Variants in RNF122 observed in about 807,000 individuals in gnomAD.
RNF122 encodes the protein ring finger protein 122.
A neutral mutation model predicts 24.2 loss-of-function variants in RNF122; 17 were observed. The ratio of observed to expected loss-of-function variants is 0.70; its 90% CI spans 0.48 to 1.06. The LOEUF (loss-of-function observed/expected upper bound fraction) is 1.06, where lower values mean the gene tolerates loss of function less well. Ranked by LOEUF, RNF122 falls within the 50% of genes least tolerant of loss-of-function variation. The probability of loss-of-function intolerance (pLI) is 0.00; values close to 1 mark genes in which losing one functional copy is unlikely to be tolerated. For synonymous variants in RNF122, 65 were observed against 71.8 expected, an observed-to-expected ratio of 0.91 and a Z score of 0.48; for missense variants, 168 against 198.1, an observed-to-expected ratio of 0.85 and a Z score of 0.91.
rs574854322 is a variant in RNF122 at position 33,561,195 on chromosome 8, T to C, written c.26-2424A>G. On this transcript the variant is annotated intron_variant, in intron 1 of 5. Coordinates refer to ENST00000256257, the MANE Select transcript of RNF122 (RefSeq NM_024787.3). ...GAAAGCCCAGCTCCAAAGGGTTCTC[T>C]GTACCCAGGCCTTGGGTTCTAGGCA... is the stretch of plus-strand genomic sequence containing the variant. Among the ~76,000 whole-genome samples the C allele has an allele frequency of 2.6e-5, 4 of 152,308 alleles. No homozygotes were observed. In the South Asian group the frequency reaches 8.3e-4, roughly 32 times the overall value.
chr8:33,566,983 CG>C lies in RNF122; in HGVS notation c.-261del, dbSNP rs1810637230. Reference sequence around the variant, plus strand: ...CACGGAGCGCACGCGCCAAGGGCCCCGGGCTGGGGGAATGTGGGGCGCCGCG... The same window carrying C: ...CACGGAGCGCACGCGCCAAGGGCCCCGGCTGGGGGAATGTGGGGCGCCGCG... On this transcript the variant is annotated 5_prime_UTR_variant, in exon 1 of 6. Coordinates refer to ENST00000256257, the MANE Select transcript of RNF122 (RefSeq NM_024787.3). 1 of 499,246 alleles carries C rather than the reference CG, an allele frequency of 2.0e-6. No individual in the cohort carries two copies. The highest frequency in any genetic ancestry group is 3.6e-6 in the Non-Finnish European group (1 of 277,706). 30.9% of individuals were successfully genotyped at this position (499,246 alleles called of 1,614,324 possible). A position where few individuals can be genotyped will look rare whatever the true frequency, so the allele number is the denominator to read the frequency against.
At chr8:33,566,051 C>T (rs1364661432) in intron 1 of RNF122, among the ~76,000 whole-genome samples, 2 of 152,162 alleles carry the variant, frequency 1.3e-5, no homozygotes, top group Non-Finnish European at 1.5e-5. Context: ...CGGAGTTTCT[C>T]CATGTTGGTT....
intron 2 of RNF122, among the ~76,000 whole-genome samples, chr8:33,552,017 A>C (rs2128838595): frequency 1.3e-5 from 2 of 152,316 alleles, no homozygotes; most frequent in Middle Eastern, 3.4e-3. Context: ...ATGGTTATGA[A>C]GTACTTGCTA....
At chr8:33,561,960 C>T (rs570707925) in intron 1 of RNF122, among the ~76,000 whole-genome samples, 1 of 152,234 alleles carries the variant, frequency 6.6e-6, no homozygotes, top group South Asian at 2.1e-4. Context: ...TCCAATACTA[C>T]TCCATGTGGG....
chr8:33,555,904 A>G lies in RNF122; in HGVS notation c.182+2711T>C, dbSNP rs528373270. ...GGCTAAAGGCCGGGCACGGTGGCTC[A>G]TGCCTGTAATCCCAGCACTTTGGGA... On this transcript the variant is annotated intron_variant, in intron 2 of 5. Coordinates refer to ENST00000256257, the MANE Select transcript of RNF122 (RefSeq NM_024787.3). Among the ~76,000 whole-genome samples the G allele has an allele frequency of 2.6e-5, 4 of 152,334 alleles. No individual in the cohort carries two copies. In the South Asian group the frequency reaches 8.3e-4, roughly 32 times the overall value.
At chr8:33,564,255 A>G (rs1335326559) in intron 1 of RNF122, among the ~76,000 whole-genome samples, 1 of 152,160 alleles carries the variant, frequency 6.6e-6, no homozygotes, top group Non-Finnish European at 1.5e-5. Flanking sequence ...TTTTCTAAGA[A>G]GTGCAAAGAG....
chr8:33,553,479 G>A (rs781159326), intron 2 of RNF122, among the ~76,000 whole-genome samples: 58 of 152,046 alleles, frequency 3.8e-4, no homozygotes, highest in Non-Finnish European at 8.8e-5. Flanking sequence ...TGAGGCAGAA[G>A]GGTCCCTTGA....
intron 1 of RNF122, among the ~76,000 whole-genome samples, chr8:33,565,553 G>C (rs566580654): frequency 3.3e-5 from 5 of 152,220 alleles, no homozygotes; most frequent in African/African-American, 4.8e-5. Flanking sequence ...AGGTTTTGAA[G>C]TGTCCCGCTC....
At chr8:33,562,274 A>G (rs1051927288) in intron 1 of RNF122, among the ~76,000 whole-genome samples, 2 of 152,070 alleles carry the variant, frequency 1.3e-5, no homozygotes, top group African/African-American at 2.4e-5. Flanking sequence ...GGTGGCTCAC[A>G]CCTGTAACTC....
chr8:33,558,771 C>T lies in RNF122; in HGVS notation c.26G>A (p.Gly9Glu). MHPFQWCN[G>E]CFCGLGLVST... Reference sequence around the variant, plus strand: ...AACCAGTCCCAGGCCACAGAAACACCCTGCAAAGGGAGAGAAAAAAAAATC... The same window carrying T: ...AACCAGTCCCAGGCCACAGAAACACTCTGCAAAGGGAGAGAAAAAAAAATC... The change falls in exon 2 of 6, where the codon GGG (glycine) becomes GAG (glutamate). Residue 9 changes from glycine (G) to glutamate (E), a missense_variant and splice_region_variant. Physicochemically the swap from Gly to Glu is moderately conservative, Grantham distance 98. Coordinates refer to ENST00000256257, the MANE Select transcript of RNF122 (RefSeq NM_024787.3). The T allele has an allele frequency of 6.4e-7, 1 of 1,550,876 alleles. No homozygotes were observed. Among genetic ancestry groups the T allele is most frequent in the Non-Finnish European group, 8.7e-7 (1 of 1,149,404 alleles).
intron 1 of RNF122, among the ~76,000 whole-genome samples, chr8:33,562,183 C>G (rs75427835): frequency 0.025 from 3,860 of 152,184 alleles, 107 homozygotes; most frequent in East Asian, 0.13. Context: ...TCGTTCCTAG[C>G]ATTAAGTTAC....
rs768742779 is a variant in RNF122, at chr8:33,558,614, C to T, written c.182+1G>A. On this transcript the variant is annotated splice_donor_variant, in intron 2 of 5. Coordinates refer to ENST00000256257, the MANE Select transcript of RNF122 (RefSeq NM_024787.3). LOFTEE classifies it high-confidence loss of function. ...CCCCGGTCAGCCAGGGATCCACGCACCTGATAAAATAGCAGCAGAAGATAA... is the reference window on the plus strand; with the variant it reads ...CCCCGGTCAGCCAGGGATCCACGCATCTGATAAAATAGCAGCAGAAGATAA... 6.2e-7 allele frequency: 1 copy of T among 1,602,098 alleles called. No individual in the cohort carries two copies. The highest frequency in any genetic ancestry group is 8.5e-7 in the Non-Finnish European group (1 of 1,172,416).
intron 2 of RNF122, among the ~76,000 whole-genome samples, chr8:33,557,468 A>G (rs1810472790): frequency 6.6e-6 from 1 of 152,026 alleles, no homozygotes; most frequent in Non-Finnish European, 1.5e-5. Context: ...CGTCTCTACT[A>G]AAAATACAAA....
chr8:33,553,070 CAAAAAAAAAAA>C (rs34104851), intron 2 of RNF122, among the ~76,000 whole-genome samples: 1 of 103,476 alleles, frequency 9.7e-6, no homozygotes, highest in Non-Finnish European at 1.9e-5. Flanking sequence ...GACCCTGTCT[CAAAAAAAAAAA>C]AAAAAAAAAG....
chr8:33,555,124 G>A (rs61212882), intron 2 of RNF122, among the ~76,000 whole-genome samples: 3,941 of 152,278 alleles, frequency 0.026, 106 homozygotes, highest in East Asian at 0.15. Flanking sequence ...AACAGGTGGT[G>A]CTCAGTAGCA....
chr8:33,554,166 G>A (rs1223215874), intron 2 of RNF122, among the ~76,000 whole-genome samples: 2 of 152,206 alleles, frequency 1.3e-5, no homozygotes, highest in Non-Finnish European at 2.9e-5. Context: ...TGGGAAGGAA[G>A]TGTTCCCAGG....
intron 5 of RNF122, 96 bp downstream of exon 5, chr8:33,549,314 A>C: frequency 2.0e-6 from 2 of 976,762 alleles, no homozygotes; most frequent in Non-Finnish European, 3.3e-6. Context: ...ATCACGGATA[A>C]GGGGCAAATA....
At chr8:33,561,114 C>A (rs368610891) in intron 1 of RNF122, among the ~76,000 whole-genome samples, 2 of 148,640 alleles carry the variant, frequency 1.3e-5, no homozygotes, top group Non-Finnish European at 3.0e-5. Context: ...TACTTCCCCC[C>A]GCCAATGGGA....
chr8:33,553,568 CAA>C (rs35873889), intron 2 of RNF122, among the ~76,000 whole-genome samples: 1 of 151,432 alleles, frequency 6.6e-6, no homozygotes, highest in Admixed American at 6.6e-5. Flanking sequence ...GAGACTCTGG[CAA>C]AAAAATTTTT....
Sources: allele counts gnomAD v4.1 joint callset (sites outside exome capture counted in the v4.1 genomes callset), GRCh38; gene constraint gnomAD v4.1.1; transcripts MANE v1.5; gene names NCBI Gene and HGNC (gene_info 2026-07-23, HGNC 2026-07-21).